FBN1: variants seen among roughly 807,000 people sequenced by gnomAD.
The protein encoded by FBN1 is fibrillin-1.
Under a neutral mutation model 365.1 loss-of-function variants are expected in FBN1, and 29 were observed. That is an observed-to-expected ratio of 0.08 (90% CI 0.06 to 0.11). The LOEUF is 0.11. Ranked by LOEUF, FBN1 falls within the 10% of genes least tolerant of loss-of-function variation. FBN1 has a pLI of 1.00. For synonymous variants in FBN1, 1,210 were observed against 1,270.5 expected (o/e 0.95, Z 1.01); for missense variants, 2,476 against 3,703.2 (o/e 0.67, Z 8.60).
At chr15:48,568,178 TACA>T (rs1487055836) in intron 6 of FBN1, among the ~76,000 whole-genome samples, 8 of 119,478 alleles carry the variant, frequency 6.7e-5, no homozygotes, top group East Asian at 2.4e-4. Flanking sequence ...AGTCACAGAA[TACA>T]ACATCAGTAT....
chr15:48,510,724 C>T (rs2043752551), intron 13 of FBN1, among the ~76,000 whole-genome samples: 1 of 152,146 alleles, frequency 6.6e-6, no homozygotes, highest in Admixed American at 6.5e-5. Context: ...TATGAGTATT[C>T]TACCAACCAA....
intron 6 of FBN1, among the ~76,000 whole-genome samples, chr15:48,575,211 AGTCTTGCAACT>A (rs1214131374): frequency 3.3e-5 from 5 of 152,244 alleles, no homozygotes; most frequent in Non-Finnish European, 5.9e-5. Flanking sequence ...TGGACTTTAG[AGTCTTGCAACT>A]CGTATTAAAT....
At chr15:48,479,260 G>A (rs1388557411) in intron 32 of FBN1, among the ~76,000 whole-genome samples, 2 of 152,156 alleles carry the variant, frequency 1.3e-5, no homozygotes, top group East Asian at 3.9e-4. Context: ...TTAAAAACAC[G>A]TTTTCAAGTA....
rs769895864 is a variant in FBN1, at chr15:48,516,205, C to T, written c.1305G>A (p.Leu435=). ...TACTTGGTGGCTCCCGAGATGGATA[C>T]AGATATTCCACTGGTGGTCGAGGGA... ...IPVPRPPVEY[L]YPSREPPRVL... Residue 435 remains leucine, a synonymous_variant, in exon 11 of 66, where the codon CTG becomes CTA. Transcript: ENST00000316623. 6.2e-7 allele frequency: 1 copy of T among 1,613,522 alleles called. No individual in the cohort carries two copies. The highest frequency in any genetic ancestry group is 1.7e-4 in the Middle Eastern group (1 of 6,042).
At chr15:48,413,273 G>A (rs1211837936) in intron 64 of FBN1, among the ~76,000 whole-genome samples, 1 of 152,072 alleles carries the variant, frequency 6.6e-6, no homozygotes, top group African/African-American at 2.4e-5. Context: ...TGCTACTGAG[G>A]ATAAGAAGAA....
intron 17 of FBN1, among the ~76,000 whole-genome samples, chr15:48,499,517 C>T (rs761936328): frequency 6.6e-6 from 1 of 152,138 alleles, no homozygotes; most frequent in Admixed American, 6.5e-5. Context: ...AGAGCAACAA[C>T]AGAATACCTA....
chr15:48,437,538 G>A (rs756375896), intron 51 of FBN1, 151 bp from the exon 52 acceptor site: 1 of 834,670 alleles, frequency 1.2e-6, no homozygotes, highest in Non-Finnish European at 2.0e-6. Flanking sequence ...GTTATTTAAC[G>A]AGACTCCCTA....
chr15:48,428,054 C>T (rs1181493776), intron 57 of FBN1: 4 of 649,304 alleles, frequency 6.2e-6, no homozygotes, highest in Admixed American at 2.4e-5. Flanking sequence ...TGCTTACAGA[C>T]AGAGGGGCAG....
In FBN1 at chr15:48,409,936, T is replaced by C. The variant is rs1051237557; in HGVS notation, c.*1054A>G. On this transcript the variant is annotated 3_prime_UTR_variant, in exon 66 of 66. Transcript: ENST00000316623. ...GGATCGACTCATATGTTAAATTTTC[T>C]TCTAGTGGTTATACATTTGGTACTT... 1 of 152,420 alleles carries C rather than the reference T, an allele frequency of 6.6e-6. No individual in the cohort carries two copies. Among genetic ancestry groups the C allele is most frequent in the Admixed American group, 6.5e-5 (1 of 15,284 alleles). The allele number at this position is 152,420 out of a possible 1,614,324, so 9.4% of individuals were successfully genotyped here.
intron 6 of FBN1, among the ~76,000 whole-genome samples, chr15:48,538,663 C>T (rs963908268): frequency 6.6e-6 from 1 of 151,956 alleles, no homozygotes; most frequent in Non-Finnish European, 1.5e-5. Context: ...GGACCAAACC[C>T]AGGTTGTCCC....
chr15:48,552,384 C>T (rs1315104742), intron 6 of FBN1, among the ~76,000 whole-genome samples: 3 of 151,842 alleles, frequency 2.0e-5, no homozygotes, highest in Non-Finnish European at 4.4e-5. Flanking sequence ...GCAATCCTCC[C>T]ACCTCAGCCT....
At chr15:48,642,486 T>C (rs1275953607) in intron 2 of FBN1, 5 of 152,170 alleles carry the variant, frequency 3.3e-5, no homozygotes. Flanking sequence ...TACAATACAT[T>C]CCATGTATTA....
At chr15:48,447,188 T>C (rs1033307057) in intron 46 of FBN1, among the ~76,000 whole-genome samples, 2 of 152,188 alleles carry the variant, frequency 1.3e-5, no homozygotes, top group Non-Finnish European at 2.9e-5. Flanking sequence ...CTTGAGGTGT[T>C]GCCACCTTTG....
At chr15:48,634,699 C>A (rs1402093630) in intron 2 of FBN1, among the ~76,000 whole-genome samples, 2 of 151,856 alleles carry the variant, frequency 1.3e-5, no homozygotes, top group Admixed American at 1.3e-4. Flanking sequence ...TATTCCTATC[C>A]TCCCTATTTT....
intron 14 of FBN1, 90 bp downstream of exon 14, chr15:48,509,954 A>G (rs75400759): frequency 1.5e-6 from 2 of 1,340,766 alleles, no homozygotes; most frequent in East Asian, 4.7e-5. Context: ...TGATACTTTG[A>G]CATTTCACTC....
At chr15:48,604,705 C>T (rs2044593134) in intron 4 of FBN1, among the ~76,000 whole-genome samples, 1 of 152,204 alleles carries the variant, frequency 6.6e-6, no homozygotes, top group Non-Finnish European at 1.5e-5. Flanking sequence ...ATGCATGCTT[C>T]TCCTCCCAGT....
intron 13 of FBN1, among the ~76,000 whole-genome samples, chr15:48,511,608 T>G (rs1319761669): frequency 6.6e-6 from 1 of 152,208 alleles, no homozygotes; most frequent in African/African-American, 2.4e-5. Flanking sequence ...CATCCTTCTA[T>G]CCCCTTCTAC....
chr15:48,427,544 T>C lies in FBN1; in HGVS notation c.7204+23A>G, dbSNP rs758282569. ...CAAATAAATAGATTCCCTGCAAGTA[T>C]TTTTGGACTATAAATGAAGTACCTG... On this transcript the variant is annotated intron_variant, in intron 58 of 65. Transcript: ENST00000316623. 3 of 1,604,534 alleles carry C rather than the reference T, an allele frequency of 1.9e-6. No individual in the cohort carries two copies. The Admixed American group carries it at 5.0e-5, about 27-fold the overall frequency.
chr15:48,547,210 G>A (rs1434354966), intron 6 of FBN1, among the ~76,000 whole-genome samples: 1 of 151,940 alleles, frequency 6.6e-6, no homozygotes, highest in African/African-American at 2.4e-5. Context: ...ATCATATTCA[G>A]ACATTTATGT....
Sources: allele counts gnomAD v4.1 joint callset (sites outside exome capture counted in the v4.1 genomes callset), GRCh38; gene constraint gnomAD v4.1.1; transcripts MANE v1.5; gene names NCBI Gene and HGNC (gene_info 2026-07-23, HGNC 2026-07-21).